The following LAMB3 variants were observed in gnomAD, a reference collection of about 807,000 sequenced individuals.
LAMB3 encodes laminin subunit beta-3.
In LAMB3, 104 loss-of-function variants were observed where a neutral mutation model predicts 140.3. That is an observed-to-expected ratio of 0.74 (90% CI 0.63 to 0.87). The LOEUF (loss-of-function observed/expected upper bound fraction) is 0.87. Among genes scored for constraint, LAMB3 ranks in the 40% least tolerant of loss-of-function variants. The pLI is 0.00. For missense variants in LAMB3, 1,531 were observed against 1,575.2 expected (o/e 0.97, Z 0.47); for synonymous variants, 592 against 602.9 (o/e 0.98, Z 0.26).
intron 14 of LAMB3, among the ~76,000 whole-genome samples, chr1:209,624,633 A>G (rs1200170405): frequency 2.0e-5 from 3 of 152,094 alleles, no homozygotes; most frequent in Admixed American, 1.3e-4. Flanking sequence ...TGTGTTTCCA[A>G]CCTACTGAAT....
At chr1:209,645,437 C>T (rs961234171) in intron 3 of LAMB3, among the ~76,000 whole-genome samples, 1 of 152,092 alleles carries the variant, frequency 6.6e-6, no homozygotes. Flanking sequence ...ATATTTTGGG[C>T]CGGGGGGAGT....
intron 14 of LAMB3, 103 bp downstream of exon 14, chr1:209,625,545 A>G: frequency 1.4e-6 from 2 of 1,420,984 alleles, no homozygotes; most frequent in Admixed American, 3.3e-5. Flanking sequence ...AAATGCCTTT[A>G]AACTGTAATG....
chr1:209,632,624 G>C lies in LAMB3; in HGVS notation c.781C>G (p.Pro261Ala), dbSNP rs537985381. 62 of 1,614,138 alleles carry C rather than the reference G, an allele frequency of 3.8e-5. No individual in the cohort carries two copies. The South Asian group carries it at 6.1e-4, about 16-fold the overall frequency. The change falls in exon 8 of 23, where the codon CCC (proline) becomes GCC (alanine). Residue 261 changes from proline (P) to alanine (A), a missense_variant. Pro to Ala is a conservative substitution (Grantham distance 27). Coordinates refer to ENST00000356082, the MANE Select transcript of LAMB3 (RefSeq NM_000228.3). ...FCHGHADRCAPKPGASAGPST... is the reference protein window; with the variant it reads ...FCHGHADRCAAKPGASAGPST... ...GGGCCTGCAGAGGCCCCAGGCTTGG[G>C]TGCGCAGCGATCAGCATGGCCGTGA... is the stretch of plus-strand genomic sequence containing the variant.
Position 209,623,534 on chromosome 1 carries a change from A to G in LAMB3, c.2329T>C (p.Leu777=), listed in dbSNP as rs1465945887. The part of the protein sequence containing the change: ...LVALRLEMSS[L]PDLTPTFNKL... ...TTGAAGGTGGGTGTCAGGTCAGGCAACGAAGACATCTCCAGCCTCAGGGCC... is the reference window on the plus strand; with the variant it reads ...TTGAAGGTGGGTGTCAGGTCAGGCAGCGAAGACATCTCCAGCCTCAGGGCC... The change falls in exon 16 of 23, where the codon TTG becomes CTG. Residue 777 remains leucine, a synonymous_variant. Coordinates refer to ENST00000356082, the MANE Select transcript of LAMB3 (RefSeq NM_000228.3). This position sits in a 1 kb window ranked among gnomAD's most constrained non-coding sequence, Gnocchi z 4.2. 3.1e-6 allele frequency: 5 copies of G among 1,614,180 alleles called. No homozygotes were observed. In the Admixed American group the frequency reaches 6.7e-5, roughly 22 times the overall value.
intron 3 of LAMB3, among the ~76,000 whole-genome samples, chr1:209,643,261 C>A (rs1032886398): frequency 6.6e-6 from 1 of 152,182 alleles, no homozygotes; most frequent in Admixed American, 6.5e-5. Flanking sequence ...TTGTAAGCGT[C>A]GTGTGCATGT....
chr1:209,649,849 T>C, intron 3 of LAMB3, 115 bp downstream of exon 3: 1 of 1,167,302 alleles, frequency 8.6e-7, no homozygotes, highest in East Asian at 2.4e-5. Context: ...CCCCAGTCCG[T>C]GTAGTACACA....
At chr1:209,618,406 C>T (rs778808081) in intron 19 of LAMB3, 46 bp downstream of exon 19, 6 of 1,594,488 alleles carry the variant, frequency 3.8e-6, no homozygotes, top group South Asian at 1.1e-5. Context: ...GAGCAAAACG[C>T]CAGCTTAATC....
At chr1:209,630,311 A>T (rs1424987053) in intron 9 of LAMB3, among the ~76,000 whole-genome samples, 1 of 152,156 alleles carries the variant, frequency 6.6e-6, no homozygotes, top group African/African-American at 2.4e-5. Flanking sequence ...AAAGGGCCTG[A>T]TTCTAGGGAG....
intron 4 of LAMB3, 66 bp downstream of exon 4, chr1:209,638,468 A>G: frequency 1.9e-6 from 2 of 1,044,830 alleles, no homozygotes; most frequent in Non-Finnish European, 3.0e-6. Flanking sequence ...GTTATAGGGC[A>G]CCTTCCATCC....
intron 5 of LAMB3, 41 bp from the exon 6 acceptor site, chr1:209,634,679 G>T (rs753314032): frequency 1.3e-6 from 2 of 1,525,900 alleles, no homozygotes; most frequent in Non-Finnish European, 1.8e-6. Context: ...AGGCACTGGG[G>T]CTGTGCCCCG....
Position 209,629,876 on chromosome 1 carries a change from C to T in LAMB3, c.993G>A (p.Val331=). The change falls in exon 10 of 23, where the codon GTG becomes GTA. Residue 331 remains valine, a synonymous_variant. Coordinates refer to ENST00000356082, the MANE Select transcript of LAMB3 (RefSeq NM_000228.3). ...CATATGCCCCCTGGCTGGCGGCAAA[C>T]ACAGCGGGGTCAAAGTGACATGTCT... ...HSETCHFDPA[V]FAASQGAYGG... 1 of 1,614,206 alleles carries T rather than the reference C, an allele frequency of 6.2e-7. No homozygotes were observed. The highest frequency in any genetic ancestry group is 1.1e-5 in the South Asian group (1 of 91,080).
intron 13 of LAMB3, 75 bp downstream of exon 13, chr1:209,626,792 A>G: frequency 9.5e-7 from 1 of 1,048,684 alleles, no homozygotes. Flanking sequence ...CTGCAGACCT[A>G]CACGCCCCCA....
At chr1:209,639,693 AC>A (rs2076448807) in intron 3 of LAMB3, among the ~76,000 whole-genome samples, 1 of 152,090 alleles carries the variant, frequency 6.6e-6, no homozygotes, top group South Asian at 2.1e-4. Flanking sequence ...AGATAACACG[AC>A]CTTTTCCCAG....
At position 209,649,606 on chromosome 1, in the gene LAMB3, A is replaced by G. The variant is rs368260410; in HGVS notation, c.183+358T>C. On this transcript the variant is annotated intron_variant, in intron 3 of 22. Coordinates refer to ENST00000356082, the MANE Select transcript of LAMB3 (RefSeq NM_000228.3). ...TTCGGCCCACACATCCCAGCACCAAATAACACATGAGGCTCCATACACATA... is the reference window on the plus strand; with the variant it reads ...TTCGGCCCACACATCCCAGCACCAAGTAACACATGAGGCTCCATACACATA... Among the ~76,000 whole-genome samples, 6 of 152,124 alleles carry G rather than the reference A, an allele frequency of 3.9e-5. No homozygotes were observed. The East Asian group carries it at 7.7e-4, about 20-fold the overall frequency.
At chr1:209,627,692 C>T (rs771299626) in intron 11 of LAMB3, 113 bp from the exon 12 acceptor site, 9 of 1,001,588 alleles carry the variant, frequency 9.0e-6, no homozygotes, top group Non-Finnish European at 1.4e-5. Context: ...CAGGGCCCTT[C>T]CCTGCAGATG....
intron 2 of LAMB3, 30 bp downstream of exon 2, chr1:209,650,885 CAG>C: frequency 1.9e-6 from 3 of 1,611,624 alleles, no homozygotes; most frequent in Non-Finnish European, 2.5e-6. Flanking sequence ...TGCCATATAA[CAG>C]GGCCTGGAAG....
At position 209,641,098 on chromosome 1, in the gene LAMB3, A is replaced by AT. The variant is rs1478650021; in HGVS notation, c.184-2451dup. On this transcript the variant is annotated intron_variant, in intron 3 of 22. Transcript: ENST00000356082. The stretch of plus-strand genomic sequence containing the variant: ...ACTCTGTCTCAAAAAAAAAAAAAAA[A>AT]TTTAAAAAAAAAAAAAGAAAGAAAA... 4.9e-3 allele frequency among the ~76,000 whole-genome samples: 547 copies of AT among 111,684 alleles called. 2 individuals are homozygous for AT. The Middle Eastern group carries it at 0.053, about 11-fold the overall frequency. 73.3% of individuals were successfully genotyped at this position (111,684 alleles called of 152,430 possible). A position where few individuals can be genotyped will look rare whatever the true frequency, so the allele number is the denominator to read the frequency against.
chr1:209,649,330 T>C (rs1260747569), intron 3 of LAMB3, among the ~76,000 whole-genome samples: 3 of 152,142 alleles, frequency 2.0e-5, no homozygotes, highest in South Asian at 4.1e-4. Context: ...TAAAGAAAGA[T>C]TCCCCCCTGT....
At chr1:209,627,042 G>A in intron 12 of LAMB3, 64 bp from the exon 13 acceptor site, 1 of 1,202,516 alleles carries the variant, frequency 8.3e-7, no homozygotes, top group African/African-American at 1.5e-5. Context: ...CTGGTGTCAG[G>A]GACTGTGTCC....
Sources: gnomAD v4.1 joint callset for allele counts (sites outside exome capture counted in the v4.1 genomes callset) on GRCh38, gnomAD v4.1.1 for gene constraint, Gnocchi (gnomAD v3.1) non-coding constraint, MANE v1.5 for transcripts, NCBI Gene and HGNC (gene_info 2026-07-23, HGNC 2026-07-21) for gene names.